GALNT9: variants seen among roughly 807,000 people sequenced by gnomAD.
GALNT9 encodes the protein polypeptide N-acetylgalactosaminyltransferase 9.
Under a neutral mutation model 63.1 loss-of-function variants are expected in GALNT9, and 47 were observed. That is an observed-to-expected ratio of 0.75 (90% CI 0.59 to 0.95). The LOEUF is 0.95. Among genes scored for constraint, GALNT9 ranks in the 40% least tolerant of loss-of-function variants. GALNT9 has a pLI of 0.00. For synonymous variants in GALNT9, 396 were observed against 365.7 expected (o/e 1.08, Z -0.94); for missense variants, 829 against 874.8 (o/e 0.95, Z 0.66).
At chr12:132,270,715 G>A (rs1227932401) in intron 2 of GALNT9, among the ~76,000 whole-genome samples, 1 of 152,132 alleles carries the variant, frequency 6.6e-6, no homozygotes, top group African/African-American at 2.4e-5. Flanking sequence ...CACGGACACG[G>A]CCACGGCCAC....
intron 2 of GALNT9, chr12:132,284,466 G>C (rs1030018578): frequency 1.3e-5 from 2 of 152,212 alleles, no homozygotes; most frequent in Admixed American, 1.3e-4. Flanking sequence ...TCTTTAAACT[G>C]GCCTATTTTA....
At chr12:132,292,918 G>C (rs201720392) in intron 1 of GALNT9, among the ~76,000 whole-genome samples, 5 of 131,660 alleles carry the variant, frequency 3.8e-5, no homozygotes, top group Non-Finnish European at 8.8e-5. Flanking sequence ...ACTAGAAAGA[G>C]AGACTTTCCC....
At chr12:132,301,247 G>A (rs1360460431) in intron 1 of GALNT9, among the ~76,000 whole-genome samples, 3 of 152,246 alleles carry the variant, frequency 2.0e-5, no homozygotes, top group Non-Finnish European at 4.4e-5. Flanking sequence ...AGGCAAAGGC[G>A]TTAAATAGCC....
chr12:132,262,284 C>T lies in GALNT9; in HGVS notation c.586+175G>A, dbSNP rs1048603587. 5.9e-5 allele frequency among the ~76,000 whole-genome samples: 9 copies of T among 152,282 alleles called. No individual in the cohort carries two copies. In the South Asian group the frequency reaches 6.2e-4, roughly 11 times the overall value. ...AGCCACACACTGGGGACAGCACGTACGCAGCCATGACAGAGGCTGGAAGGC... is the reference window on the plus strand; with the variant it reads ...AGCCACACACTGGGGACAGCACGTATGCAGCCATGACAGAGGCTGGAAGGC... On this transcript the variant is annotated intron_variant, in intron 3 of 10. Transcript: ENST00000328957.
At chr12:132,235,725 T>G (rs1436444056) in intron 6 of GALNT9, among the ~76,000 whole-genome samples, 24 of 74,112 alleles carry the variant, frequency 3.2e-4, no homozygotes, top group Non-Finnish European at 3.9e-4. Context: ...GGCAGGAGGG[T>G]CCCCCGGGCT....
chr12:132,277,145 G>A (rs28519458), intron 2 of GALNT9: 1,881 of 154,312 alleles, frequency 0.012, 34 homozygotes, highest in South Asian at 0.096. Flanking sequence ...CCTCTGAGGG[G>A]TTAAAGCCAT....
At chr12:132,269,206 G>A (rs1366249963) in intron 2 of GALNT9, among the ~76,000 whole-genome samples, 1 of 151,848 alleles carries the variant, frequency 6.6e-6, no homozygotes, top group African/African-American at 2.4e-5. Flanking sequence ...GAGGCGTCGG[G>A]AGGCAGCGTC....
At chr12:132,293,370 G>A (rs1880932023) in intron 1 of GALNT9, among the ~76,000 whole-genome samples, 1 of 152,226 alleles carries the variant, frequency 6.6e-6, no homozygotes, top group African/African-American at 2.4e-5. Context: ...GCTTTCCCCA[G>A]CCCCTCAATA....
Position 132,245,614 on chromosome 12 carries a change from C to G in GALNT9, c.1077+2296G>C, listed in dbSNP as rs1047316851. On this transcript the variant is annotated intron_variant, in intron 6 of 10. Transcript: ENST00000328957. This position sits in a 1 kb window ranked among gnomAD's most constrained non-coding sequence, Gnocchi z 6.3. ...ACCCCCAGCCCAGCCTGCTGACCCT[C>G]GCCCAGCCAGGGCCCTCCGTGGTCC... Among the ~76,000 whole-genome samples, 1 of 151,058 alleles carries G rather than the reference C, an allele frequency of 6.6e-6. No individual in the cohort carries two copies. Among genetic ancestry groups the G allele is most frequent in the Admixed American group, 6.6e-5 (1 of 15,218 alleles).
At chr12:132,271,636 G>A (rs1222330191) in intron 2 of GALNT9, among the ~76,000 whole-genome samples, 2 of 152,170 alleles carry the variant, frequency 1.3e-5, no homozygotes, top group African/African-American at 2.4e-5. Context: ...GACACAAACG[G>A]CGTTGGGGCA....
In GALNT9 at chr12:132,295,718, C is replaced by T. The variant is rs372450861; in HGVS notation, c.239-9288G>A. ...AGCCAGCACCGTGATTCTGGACCGC[C>T]GGCCTCCAAACAGGGAGAGCCTCCA... On this transcript the variant is annotated intron_variant, in intron 1 of 10. Transcript: ENST00000328957. 1.2e-4 allele frequency among the ~76,000 whole-genome samples: 19 copies of T among 152,366 alleles called. No individual in the cohort carries two copies. The East Asian group carries it at 2.1e-3, about 17-fold the overall frequency.
chr12:132,295,179 C>G (rs1881008131), intron 1 of GALNT9, among the ~76,000 whole-genome samples: 2 of 152,230 alleles, frequency 1.3e-5, no homozygotes, highest in African/African-American at 4.8e-5. Flanking sequence ...CCAGCGGGGC[C>G]TTCAGACGGG....
At position 132,236,704 on chromosome 12, in the gene GALNT9, G is replaced by A. The variant is rs1555236362; in HGVS notation, c.1077+11206C>T. On this transcript the variant is annotated intron_variant, in intron 6 of 10. Coordinates refer to ENST00000328957, the MANE Select transcript of GALNT9 (RefSeq NM_001122636.2). This position sits in a 1 kb window ranked among gnomAD's most constrained non-coding sequence, Gnocchi z 5.6. ...CAGCCTCGCAAGGTGTAAGGTTTCG[G>A]GGCATCAAGCCTGGCCTCGGCCAGC... 1.3e-5 allele frequency among the ~76,000 whole-genome samples: 2 copies of A among 152,186 alleles called. No individual in the cohort carries two copies. The highest frequency in any genetic ancestry group is 4.8e-5 in the African/African-American group (2 of 41,426).
At chr12:132,218,741 T>C (rs1877319133) in intron 6 of GALNT9, among the ~76,000 whole-genome samples, 1 of 152,136 alleles carries the variant, frequency 6.6e-6, no homozygotes, top group African/African-American at 2.4e-5. Flanking sequence ...CAGGAAACCA[T>C]CTCTTCCTGG....
chr12:132,200,423 G>A (rs1309740673), intron 8 of GALNT9: 1 of 152,280 alleles, frequency 6.6e-6, no homozygotes, highest in East Asian at 1.9e-4. Context: ...CACCCATTGT[G>A]TGCATCTGTG....
chr12:132,295,100 T>G (rs1881004519), intron 1 of GALNT9, among the ~76,000 whole-genome samples: 1 of 152,194 alleles, frequency 6.6e-6, no homozygotes, highest in Non-Finnish European at 1.5e-5. Context: ...GTAGCTGCAC[T>G]GGGGGTCACA....
In GALNT9 at chr12:132,296,036, A is replaced by C. The variant is rs112453846; in HGVS notation, c.239-9606T>G. ...AGCCTCCGGAACAGGGAGAGCCTCC[A>C]GAACAGGGAGAGCCTCTGAACAGGG... On this transcript the variant is annotated intron_variant, in intron 1 of 10. Transcript: ENST00000328957. The surrounding 1 kb of genome is among the most constrained non-coding windows in gnomAD (Gnocchi z 4.2). 7.5e-6 allele frequency among the ~76,000 whole-genome samples: 1 copy of C among 132,802 alleles called. No homozygotes were observed. The highest frequency in any genetic ancestry group is 2.3e-4 in the East Asian group (1 of 4,276). The allele number at this position is 132,802 out of a possible 152,430, so 87.1% of individuals were successfully genotyped here. A position where few individuals can be genotyped will look rare whatever the true frequency, so the allele number is the denominator to read the frequency against.
rs1555237613 is a variant in GALNT9 at position 132,243,341 on chromosome 12, GCCATCA to G, written c.1077+4563_1077+4568del. ...ACACACCACACACCCTTCCCGGGGG[GCCATCA>G]GGGCCCCCAGTGGCCTCAGTGTCCA... On this transcript the variant is annotated intron_variant, in intron 6 of 10. Transcript: ENST00000328957. Among the ~76,000 whole-genome samples, 3 of 127,636 alleles carry G rather than the reference GCCATCA, an allele frequency of 2.4e-5. 1 individual carries two copies. The highest frequency in any genetic ancestry group is 5.2e-5 in the Non-Finnish European group (3 of 57,650). The allele number at this position is 127,636 out of a possible 152,430, so 83.7% of individuals were successfully genotyped here. A position where few individuals can be genotyped will look rare whatever the true frequency, so the allele number is the denominator to read the frequency against.
In GALNT9 at chr12:132,197,169, C is replaced by T. The variant is rs1375724968; in HGVS notation, c.1750G>A (p.Val584Ile). ...KDANFGLRLV[V>I]QRCSGQKWMI... ...CACTTCTGCCCCGAGCACCTCTGTA[C>T]CACCAGCCGGAGCCCAAAGTTGGCA... Residue 584 changes from valine to isoleucine, a missense_variant, in exon 11 of 11, where the codon GTA (valine) becomes ATA (isoleucine). Transcript: ENST00000328957. The T allele has an allele frequency of 6.2e-7, 1 of 1,614,166 alleles. No individual in the cohort carries two copies. The highest frequency in any genetic ancestry group is 8.5e-7 in the Non-Finnish European group (1 of 1,180,030).
Sources: allele counts gnomAD v4.1 joint callset (sites outside exome capture counted in the v4.1 genomes callset), GRCh38; gene constraint gnomAD v4.1.1; non-coding constraint Gnocchi (gnomAD v3.1); transcripts MANE v1.5; gene names NCBI Gene and HGNC (gene_info 2026-07-23, HGNC 2026-07-21).